The following SPATS2L variants were observed in gnomAD, a reference collection of about 807,000 sequenced individuals.
SPATS2L encodes the protein spermatogenesis associated serine rich 2 like, also known as SPATS2-like protein.
In SPATS2L, 30 loss-of-function variants were observed where a neutral mutation model predicts 59.6. The ratio of observed to expected loss-of-function variants is 0.50; its 90% CI spans 0.38 to 0.68. The LOEUF (loss-of-function observed/expected upper bound fraction) is 0.68, where lower values mean the gene tolerates loss of function less well. Among genes scored for constraint, SPATS2L ranks in the 30% least tolerant of loss-of-function variants. The pLI, the probability that SPATS2L is intolerant of heterozygous loss-of-function variation, is 0.00. For synonymous variants in SPATS2L, 252 were observed against 263.5 expected (o/e 0.96, Z 0.42); for missense variants, 615 against 700.0 (o/e 0.88, Z 1.37).
chr2:200,397,243 A>G (rs1434050916), intron 3 of SPATS2L, among the ~76,000 whole-genome samples: 1 of 152,236 alleles, frequency 6.6e-6, no homozygotes, highest in Non-Finnish European at 1.5e-5. Flanking sequence ...AAAGAATACA[A>G]GAGCATGTCG....
rs138432817 is a variant in SPATS2L at position 200,310,395 on chromosome 2, C to A, written c.-73+3473C>A. Among the ~76,000 whole-genome samples the A allele has an allele frequency of 3.3e-3, 508 of 152,212 alleles. 2 individuals carry two copies. Among genetic ancestry groups the A allele is most frequent in the Non-Finnish European group, 6.3e-3 (428 of 68,024 alleles). On this transcript the variant is annotated intron_variant, in intron 1 of 12. Transcript: ENST00000409140. The stretch of plus-strand genomic sequence containing the variant: ...TTTTTAATGGTTTCTCTGAGCCACC[C>A]CTGCATTTCGTTTTCATTCTTCACT...
intron 2 of SPATS2L, among the ~76,000 whole-genome samples, chr2:200,349,159 T>G (rs1309468105): frequency 6.6e-6 from 1 of 152,178 alleles, no homozygotes; most frequent in Non-Finnish European, 1.5e-5. Flanking sequence ...GTCAGCAAAG[T>G]CTCAGGCCTG....
intron 12 of SPATS2L, 137 bp from the exon 13 acceptor site, chr2:200,477,499 T>C: frequency 1.6e-6 from 1 of 618,476 alleles, no homozygotes; most frequent in Non-Finnish European, 2.5e-6. Context: ...TCATGTTTTC[T>C]GATTCTTCTG....
intron 9 of SPATS2L, among the ~76,000 whole-genome samples, chr2:200,464,413 C>G (rs1447221968): frequency 6.6e-6 from 1 of 152,180 alleles, no homozygotes; most frequent in African/African-American, 2.4e-5. Flanking sequence ...GGTGATCTTG[C>G]ACCTGCATTC....
chr2:200,439,229 T>G lies in SPATS2L; in HGVS notation c.553T>G (p.Cys185Gly), dbSNP rs752239929. ...DGLQWSAEQPCNPSKPKAKTS... is the reference protein window; with the variant it reads ...DGLQWSAEQPGNPSKPKAKTS... ...CCTACAGTGGTCAGCTGAGCAGCCTTGTAACCCAAGCAAGCCTAAGGCAAA... is the reference window on the plus strand; with the variant it reads ...CCTACAGTGGTCAGCTGAGCAGCCTGGTAACCCAAGCAAGCCTAAGGCAAA... Residue 185 changes from cysteine to glycine, a missense_variant, in exon 7 of 13, where the codon TGT becomes GGT. Coordinates refer to ENST00000409140, the MANE Select transcript of SPATS2L (RefSeq NM_001100423.2). 5.0e-6 allele frequency: 8 copies of G among 1,613,696 alleles called. No individual in the cohort carries two copies. The highest frequency in any genetic ancestry group is 6.8e-6 in the Non-Finnish European group (8 of 1,179,716).
At chr2:200,420,668 C>A (rs1272379060) in intron 6 of SPATS2L, among the ~76,000 whole-genome samples, 2 of 152,122 alleles carry the variant, frequency 1.3e-5, no homozygotes, top group Non-Finnish European at 2.9e-5. Context: ...CATAAAGTAC[C>A]ATCTTCCTTT....
intron 12 of SPATS2L, 96 bp from the exon 13 acceptor site, chr2:200,477,540 C>G (rs1240685526): frequency 2.9e-5 from 13 of 453,094 alleles, no homozygotes; most frequent in African/African-American, 2.2e-4. Context: ...AAAAAAAAAG[C>G]TTACCTGTGG....
At chr2:200,349,631 TC>T (rs1333786062) in intron 2 of SPATS2L, among the ~76,000 whole-genome samples, 13 of 152,116 alleles carry the variant, frequency 8.5e-5, no homozygotes, top group Non-Finnish European at 1.6e-4. Flanking sequence ...GAGCAAGACT[TC>T]GTCTCAGAAA....
At chr2:200,423,233 G>A (rs189065219) in intron 6 of SPATS2L, among the ~76,000 whole-genome samples, 153 of 152,312 alleles carry the variant, frequency 1.0e-3, no homozygotes, top group African/African-American at 3.3e-3. Flanking sequence ...GACTATTGTA[G>A]TTAGATTTTC....
At position 200,409,754 on chromosome 2, in the gene SPATS2L, A is replaced by G. The variant is rs757003976; in HGVS notation, c.40-2557A>G. 1.3e-4 allele frequency among the ~76,000 whole-genome samples: 20 copies of G among 152,368 alleles called. No homozygotes were observed. The South Asian group carries it at 1.7e-3, about 13-fold the overall frequency. Reference sequence around the variant, plus strand: ...TATCTGATATTCAGTTAGATTTGATATCAAAACTCAGTTATTGACAATTTT... The same window carrying G: ...TATCTGATATTCAGTTAGATTTGATGTCAAAACTCAGTTATTGACAATTTT... On this transcript the variant is annotated intron_variant, in intron 3 of 12. Coordinates refer to ENST00000409140, the MANE Select transcript of SPATS2L (RefSeq NM_001100423.2).
At chr2:200,331,826 A>G (rs1015861289) in intron 2 of SPATS2L, among the ~76,000 whole-genome samples, 1 of 152,198 alleles carries the variant, frequency 6.6e-6, no homozygotes, top group African/African-American at 2.4e-5. Context: ...ACAGTGGTCG[A>G]CCAGAGGCAG....
intron 1 of SPATS2L, among the ~76,000 whole-genome samples, chr2:200,318,050 T>G (rs2079437880): frequency 6.6e-6 from 1 of 152,214 alleles, no homozygotes; most frequent in South Asian, 2.1e-4. Flanking sequence ...TGGGCTGACT[T>G]TCACGTATTG....
chr2:200,464,337 A>AACACTTGC (rs1230342531), intron 9 of SPATS2L, among the ~76,000 whole-genome samples: 1 of 152,260 alleles, frequency 6.6e-6, no homozygotes, highest in Non-Finnish European at 1.5e-5. Context: ...AATGCATTTT[A>AACACTTGC]ACACTTGCTG....
chr2:200,458,284 C>CT (rs1460531251), intron 8 of SPATS2L, among the ~76,000 whole-genome samples: 4 of 152,174 alleles, frequency 2.6e-5, no homozygotes, highest in Admixed American at 2.6e-4. Flanking sequence ...TCAATGGCTG[C>CT]TAAGATCATA....
intron 2 of SPATS2L, among the ~76,000 whole-genome samples, chr2:200,350,515 AAATTTT>A (rs1298909018): frequency 5.3e-5 from 8 of 151,720 alleles, no homozygotes; most frequent in Non-Finnish European, 1.0e-4. Flanking sequence ...TTCTAAATTT[AAATTTT>A]ATTTTGATTT....
At chr2:200,432,921 C>G (rs80312239) in intron 6 of SPATS2L, among the ~76,000 whole-genome samples, 2 of 152,112 alleles carry the variant, frequency 1.3e-5, no homozygotes, top group East Asian at 3.9e-4. Context: ...TAAAACAAAG[C>G]CAGAGCCTCA....
At chr2:200,419,131 G>A (rs2083199223) in intron 5 of SPATS2L, 119 bp from the exon 6 acceptor site, 1 of 916,972 alleles carries the variant, frequency 1.1e-6, no homozygotes, top group African/African-American at 1.7e-5. Flanking sequence ...TCTTCATCCA[G>A]TCTATAAGAA....
chr2:200,424,895 G>T (rs753434351), intron 6 of SPATS2L, among the ~76,000 whole-genome samples: 1 of 152,086 alleles, frequency 6.6e-6, no homozygotes. Context: ...CCAAGTCTTC[G>T]GTCCCTGTTC....
At chr2:200,371,677 A>G (rs1297789371) in intron 2 of SPATS2L, among the ~76,000 whole-genome samples, 6 of 152,194 alleles carry the variant, frequency 3.9e-5, no homozygotes, top group Non-Finnish European at 5.9e-5. Context: ...CTTATCTACA[A>G]ATTAATTTGG....
Sources: allele counts gnomAD v4.1 joint callset (sites outside exome capture counted in the v4.1 genomes callset), GRCh38; gene constraint gnomAD v4.1.1; transcripts MANE v1.5; gene names NCBI Gene and HGNC (gene_info 2026-07-23, HGNC 2026-07-21).